ADAM22: variants seen among roughly 807,000 people sequenced by gnomAD.
ADAM22 encodes the protein disintegrin and metalloproteinase domain-containing protein 22.
ADAM22 carries 65 observed loss-of-function variants against 144.6 expected under a neutral mutation model. That is an observed-to-expected ratio of 0.45 (90% CI 0.37 to 0.55). The LOEUF (loss-of-function observed/expected upper bound fraction) is 0.55. ADAM22 is among the 20% of genes least tolerant of loss of function. ADAM22 has a pLI of 0.00. For missense variants in ADAM22, 974 were observed against 1,184.9 expected, an observed-to-expected ratio of 0.82 and a Z score of 2.61; for synonymous variants, 391 against 412.6, an observed-to-expected ratio of 0.95 and a Z score of 0.63.
intron 11 of ADAM22, chr7:88,132,157 G>A (rs1399513182): frequency 7.4e-6 from 1 of 134,500 alleles, no homozygotes; most frequent in African/African-American, 2.8e-5. Flanking sequence ...GTTTTTTTTT[G>A]TTTTTTTTCC....
At chr7:87,982,084 C>T (rs1328507704) in intron 3 of ADAM22, among the ~76,000 whole-genome samples, 1 of 148,824 alleles carries the variant, frequency 6.7e-6, no homozygotes, top group Non-Finnish European at 1.5e-5. Flanking sequence ...CACACACACA[C>T]ACACACACAC....
At chr7:88,146,937 C>G (rs778922349) in intron 17 of ADAM22, among the ~76,000 whole-genome samples, 2 of 152,288 alleles carry the variant, frequency 1.3e-5, no homozygotes, top group South Asian at 4.1e-4. Flanking sequence ...TTGATTTTGG[C>G]TACCACCCCT....
rs555774741 is a variant in ADAM22 at position 87,973,166 on chromosome 7, G to T, written c.247-5170G>T. 3.8e-3 allele frequency among the ~76,000 whole-genome samples: 572 copies of T among 152,250 alleles called. 9 individuals carry two copies. The highest frequency in any genetic ancestry group is 5.1e-3 in the Non-Finnish European group (350 of 68,008). Reference sequence around the variant, plus strand: ...AGAGTGAACAAGAAACCTACAGAATGGGAGAAAATTTTTGCAACCTACTTA... The same window carrying T: ...AGAGTGAACAAGAAACCTACAGAATTGGAGAAAATTTTTGCAACCTACTTA... On this transcript the variant is annotated intron_variant, in intron 2 of 31. Transcript: ENST00000413139.
At chr7:87,948,153 C>T (rs1236531042) in intron 2 of ADAM22, among the ~76,000 whole-genome samples, 1 of 152,034 alleles carries the variant, frequency 6.6e-6, no homozygotes, top group African/African-American at 2.4e-5. Context: ...TTCGGTATGA[C>T]CCTTGGTTTA....
intron 5 of ADAM22, among the ~76,000 whole-genome samples, chr7:88,108,533 A>T (rs1825110074): frequency 2.0e-5 from 3 of 152,076 alleles, no homozygotes; most frequent in Admixed American, 2.0e-4. Flanking sequence ...GTTCGAGACC[A>T]GCCCAGCCAA....
intron 3 of ADAM22, among the ~76,000 whole-genome samples, chr7:88,039,107 T>A (rs1334143705): frequency 3.8e-4 from 58 of 151,968 alleles, no homozygotes; most frequent in Non-Finnish European, 1.3e-4. Context: ...CAAAGGATGG[T>A]AGTCATAATC....
intron 4 of ADAM22, among the ~76,000 whole-genome samples, chr7:88,088,612 A>G (rs4727151): frequency 0.56 from 84,401 of 151,872 alleles, 24,497 homozygotes; most frequent in East Asian, 0.88. Flanking sequence ...GGCTAACTTT[A>G]TAATTCCTGT....
intron 6 of ADAM22, among the ~76,000 whole-genome samples, chr7:88,116,019 T>C (rs1301337326): frequency 6.6e-6 from 1 of 152,224 alleles, no homozygotes; most frequent in African/African-American, 2.4e-5. Flanking sequence ...CCAAGAAACA[T>C]GCATGGCTTT....
intron 3 of ADAM22, among the ~76,000 whole-genome samples, chr7:88,009,565 G>A (rs1157561069): frequency 6.6e-6 from 1 of 151,796 alleles, no homozygotes; most frequent in Non-Finnish European, 1.5e-5. Flanking sequence ...AGTTAAAATA[G>A]TGTATTCAAA....
intron 28 of ADAM22, 112 bp from the exon 29 acceptor site, chr7:88,181,846 G>T: frequency 1.0e-6 from 1 of 976,022 alleles, no homozygotes; most frequent in Non-Finnish European, 1.6e-6. Flanking sequence ...GACAAACCCG[G>T]TGTTCCACAG....
At chr7:87,935,257 G>A in intron 2 of ADAM22, 71 bp downstream of exon 2, 5 of 1,455,702 alleles carry the variant, frequency 3.4e-6, no homozygotes, top group Non-Finnish European at 4.5e-6. Flanking sequence ...ATTGCGCTCG[G>A]TTGCCCTGGA....
At chr7:88,153,169 G>T in intron 20 of ADAM22, 52 bp from the exon 21 acceptor site, 2 of 1,318,440 alleles carry the variant, frequency 1.5e-6, no homozygotes, top group Admixed American at 2.0e-5. Context: ...CAAAGCTTTT[G>T]AGCAGCCAAA....
At chr7:88,111,528 A>G (rs1826042202) in intron 5 of ADAM22, among the ~76,000 whole-genome samples, 1 of 152,186 alleles carries the variant, frequency 6.6e-6, no homozygotes, top group Non-Finnish European at 1.5e-5. Context: ...TTTGGTGTTA[A>G]TGCAAAAATC....
At position 88,002,532 on chromosome 7, in the gene ADAM22, A is replaced by G. The variant is rs531887562; in HGVS notation, c.323+24120A>G. Reference sequence around the variant, plus strand: ...CAAGAACAGCTGATCACTAAACAAGATACTGTTATTTCTTTCTCTGTGACA... The same window carrying G: ...CAAGAACAGCTGATCACTAAACAAGGTACTGTTATTTCTTTCTCTGTGACA... On this transcript the variant is annotated intron_variant, in intron 3 of 31. Transcript: ENST00000413139. Among the ~76,000 whole-genome samples, 3 of 152,352 alleles carry G rather than the reference A, an allele frequency of 2.0e-5. 1 individual carries two copies. Among genetic ancestry groups the G allele is most frequent in the African/African-American group, 7.2e-5 (3 of 41,580 alleles).
At chr7:88,074,231 C>A (rs1050557933) in intron 3 of ADAM22, among the ~76,000 whole-genome samples, 1 of 152,112 alleles carries the variant, frequency 6.6e-6, no homozygotes, top group African/African-American at 2.4e-5. Context: ...ATATTTAGTG[C>A]CTCTTATATA....
chr7:87,985,474 T>C (rs1788253880), intron 3 of ADAM22, among the ~76,000 whole-genome samples: 1 of 152,216 alleles, frequency 6.6e-6, no homozygotes, highest in African/African-American at 2.4e-5. Context: ...GCCATTTACA[T>C]GTAAACCTCA....
chr7:87,969,141 A>G (rs142680993), intron 2 of ADAM22, among the ~76,000 whole-genome samples: 300 of 152,350 alleles, frequency 2.0e-3, no homozygotes, highest in African/African-American at 7.0e-3. Flanking sequence ...CCATATCACC[A>G]AAGAAGTCTA....
At chr7:88,077,852 G>A (rs1055592585) in intron 4 of ADAM22, among the ~76,000 whole-genome samples, 11 of 152,182 alleles carry the variant, frequency 7.2e-5, no homozygotes, top group Admixed American at 3.3e-4. Flanking sequence ...CCAGAAGCTC[G>A]AACTGGGTGG....
At chr7:88,186,507 G>A (rs2129539382) in intron 29 of ADAM22, 108 bp from the exon 30 acceptor site, 1 of 779,008 alleles carries the variant, frequency 1.3e-6, no homozygotes, top group South Asian at 1.4e-5. Flanking sequence ...TATTTGCCAT[G>A]GTCACTTGCA....
Sources: allele counts gnomAD v4.1 joint callset (sites outside exome capture counted in the v4.1 genomes callset), GRCh38; gene constraint gnomAD v4.1.1; transcripts MANE v1.5; gene names NCBI Gene and HGNC (gene_info 2026-07-23, HGNC 2026-07-21).